CPA3: variants seen among roughly 807,000 people sequenced by gnomAD.
CPA3 encodes mast cell carboxypeptidase A.
In CPA3, 52 loss-of-function variants were observed where a neutral mutation model predicts 55.8. The observed-to-expected ratio is 0.93, with a 90% confidence interval of 0.75 to 1.17. CPA3 has a LOEUF of 1.17. CPA3 is among the 50% of genes most tolerant of loss of function. The pLI is 0.00. For synonymous variants in CPA3, 179 were observed against 171.2 expected, an observed-to-expected ratio of 1.05 and a Z score of -0.36; for missense variants, 547 against 509.1, an observed-to-expected ratio of 1.07 and a Z score of -0.72.
chr3:148,866,496 C>T (rs1353449958), intron 2 of CPA3, among the ~76,000 whole-genome samples: 2 of 152,242 alleles, frequency 1.3e-5, no homozygotes, highest in African/African-American at 4.8e-5. Flanking sequence ...AATTGCATTC[C>T]TCCGTTTGAG....
intron 3 of CPA3, among the ~76,000 whole-genome samples, chr3:148,875,064 T>C (rs578086897): frequency 6.6e-6 from 1 of 152,284 alleles, no homozygotes; most frequent in Admixed American, 6.5e-5. Context: ...CACATGTTCG[T>C]ATTATGTAGC....
At chr3:148,895,321 A>T (rs906120625) in intron 10 of CPA3, among the ~76,000 whole-genome samples, 1 of 152,176 alleles carries the variant, frequency 6.6e-6, no homozygotes, top group Non-Finnish European at 1.5e-5. Context: ...CTGAAAACAC[A>T]CTAGCCTTTC....
chr3:148,880,024 C>G lies in CPA3; in HGVS notation c.576+135C>G, dbSNP rs562262546. On this transcript the variant is annotated intron_variant, in intron 6 of 10. Transcript: ENST00000296046. ...ATACTTGGTGCTGTCAGGGAAGAAA[C>G]GCTCTGAATTTTACTCATCATTACA... The G allele has an allele frequency of 2.4e-4, 137 of 574,240 alleles. 1 individual carries two copies. Among genetic ancestry groups the G allele is most frequent in the Non-Finnish European group, 3.1e-6 (1 of 319,384 alleles). 35.6% of individuals were successfully genotyped at this position (574,240 alleles called of 1,614,324 possible).
chr3:148,868,885 C>G, intron 2 of CPA3, 30 bp from the exon 3 acceptor site: 1 of 1,606,398 alleles, frequency 6.2e-7, no homozygotes, highest in South Asian at 1.1e-5. Context: ...AGCAAATAAA[C>G]TCTGACTAAC....
intron 9 of CPA3, among the ~76,000 whole-genome samples, chr3:148,885,406 C>CTTTTTTTTTTTTTTTTTTT (rs10712598): frequency 1.1e-5 from 1 of 88,340 alleles, no homozygotes; most frequent in Non-Finnish European, 2.1e-5. Flanking sequence ...ATATTTAAGT[C>CTTTTTTTTTTTTTTTTTTT]TTTTTTTTTT....
intron 5 of CPA3, among the ~76,000 whole-genome samples, chr3:148,879,301 A>G (rs918848603): frequency 6.6e-6 from 1 of 151,998 alleles, no homozygotes. Context: ...ATCTCCAACC[A>G]CTCAAAACAA....
intron 10 of CPA3, among the ~76,000 whole-genome samples, chr3:148,893,973 G>A (rs1714751354): frequency 6.6e-6 from 1 of 152,114 alleles, no homozygotes; most frequent in Admixed American, 6.5e-5. Flanking sequence ...TCATACAAAG[G>A]GAAATCAGCA....
intron 9 of CPA3, among the ~76,000 whole-genome samples, chr3:148,884,742 T>C (rs903438558): frequency 6.6e-6 from 1 of 152,108 alleles, no homozygotes; most frequent in Admixed American, 6.5e-5. Context: ...CCCATAGTCA[T>C]TTATTATCCA....
chr3:148,895,188 A>G (rs1237357254), intron 10 of CPA3, among the ~76,000 whole-genome samples: 1 of 152,170 alleles, frequency 6.6e-6, no homozygotes, highest in African/African-American at 2.4e-5. Context: ...TCCAAGCTTT[A>G]CTCACAAACT....
chr3:148,887,400 T>C (rs1045457640), intron 10 of CPA3, among the ~76,000 whole-genome samples: 1 of 152,210 alleles, frequency 6.6e-6, no homozygotes, highest in Non-Finnish European at 1.5e-5. Flanking sequence ...ATCTCAAGCT[T>C]CACAACAACC....
At chr3:148,881,334 T>C in intron 6 of CPA3, 188 bp from the exon 7 acceptor site, 1 of 476,666 alleles carries the variant, frequency 2.1e-6, no homozygotes, top group Non-Finnish European at 3.7e-6. Context: ...ATGTCACTAG[T>C]CTAAATAAGT....
At chr3:148,891,904 G>A (rs1367889900) in intron 10 of CPA3, among the ~76,000 whole-genome samples, 1 of 152,156 alleles carries the variant, frequency 6.6e-6, no homozygotes, top group Non-Finnish European at 1.5e-5. Flanking sequence ...TTGCTACCAA[G>A]CTTGCATCTT....
chr3:148,894,366 T>G (rs1346171864), intron 10 of CPA3, among the ~76,000 whole-genome samples: 1 of 150,538 alleles, frequency 6.6e-6, no homozygotes. Flanking sequence ...ACTAAGCAAG[T>G]GAGACTATAA....
At chr3:148,895,711 C>A (rs1714807119) in intron 10 of CPA3, among the ~76,000 whole-genome samples, 1 of 152,190 alleles carries the variant, frequency 6.6e-6, no homozygotes, top group African/African-American at 2.4e-5. Flanking sequence ...TTCATCGCAG[C>A]TTTGAATTCT....
chr3:148,896,627 T>C lies in CPA3; in HGVS notation c.1174T>C (p.Ser392Pro). The change falls in exon 11 of 11, where the codon TCC becomes CCC. Residue 392 changes from serine (S) to proline (P), a missense_variant. Transcript: ENST00000296046. ...KGKFGFLLPE[S>P]RIKPTCRETM... ...CAAATTTGGTTTTCTCCTTCCAGAA[T>C]CCCGGATAAAGCCAACGTGCAGAGA... The C allele has an allele frequency of 6.3e-7, 1 of 1,592,368 alleles. No individual in the cohort carries two copies. The highest frequency in any genetic ancestry group is 8.6e-7 in the Non-Finnish European group (1 of 1,163,552).
intron 2 of CPA3, 116 bp downstream of exon 2, chr3:148,865,664 C>G (rs1257489149): frequency 1.1e-6 from 1 of 932,056 alleles, no homozygotes; most frequent in Admixed American, 2.6e-5. Context: ...AAGGGGAAAG[C>G]AGGAGCTATC....
intron 5 of CPA3, among the ~76,000 whole-genome samples, 154 bp downstream of exon 5, chr3:148,878,902 A>G (rs568485250): frequency 6.6e-6 from 1 of 152,376 alleles, no homozygotes; most frequent in African/African-American, 2.4e-5. Context: ...AATAGAAATG[A>G]CAAGCGGTTT....
At chr3:148,866,280 A>G (rs1713897707) in intron 2 of CPA3, among the ~76,000 whole-genome samples, 1 of 152,182 alleles carries the variant, frequency 6.6e-6, no homozygotes, top group South Asian at 2.1e-4. Flanking sequence ...CATCAAATCA[A>G]TCAAAGGCCC....
intron 10 of CPA3, among the ~76,000 whole-genome samples, chr3:148,889,793 C>G (rs1301003195): frequency 1.4e-5 from 2 of 148,090 alleles, no homozygotes; most frequent in Non-Finnish European, 3.0e-5. Context: ...TCACTTGAAA[C>G]CAGAAGGCGG....
Sources: allele counts gnomAD v4.1 joint callset (sites outside exome capture counted in the v4.1 genomes callset), GRCh38; gene constraint gnomAD v4.1.1; transcripts MANE v1.5; gene names NCBI Gene and HGNC (gene_info 2026-07-23, HGNC 2026-07-21).